PPP1R7: variants seen among roughly 807,000 people sequenced by gnomAD.
PPP1R7 encodes protein phosphatase 1 regulatory subunit 22.
In PPP1R7, 18 loss-of-function variants were observed where a neutral mutation model predicts 45.2. The observed-to-expected ratio is 0.40, with a 90% confidence interval of 0.28 to 0.59. The LOEUF (loss-of-function observed/expected upper bound fraction) is 0.59, where lower values mean the gene tolerates loss of function less well. PPP1R7 is among the 20% of genes least tolerant of loss of function. PPP1R7 has a pLI of 0.46. For synonymous variants in PPP1R7, 181 were observed against 183.4 expected, an observed-to-expected ratio of 0.99 and a Z score of 0.11; for missense variants, 314 against 455.8, an observed-to-expected ratio of 0.69 and a Z score of 2.83.
intron 6 of PPP1R7, among the ~76,000 whole-genome samples, chr2:241,162,823 C>T (rs1462080953): frequency 6.6e-6 from 1 of 152,030 alleles, no homozygotes; most frequent in South Asian, 2.1e-4. Context: ...GCTGGAACTA[C>T]AGGCACCCGC....
chr2:241,154,336 G>T (rs1263709978), intron 2 of PPP1R7, among the ~76,000 whole-genome samples: 1 of 152,048 alleles, frequency 6.6e-6, no homozygotes, highest in Non-Finnish European at 1.5e-5. Context: ...ATCTCTGAGA[G>T]AAATTATTTC....
Position 241,151,533 on chromosome 2 carries a change from G to A in PPP1R7, c.52+986G>A, listed in dbSNP as rs1466777688. 1.7e-5 allele frequency: 8 copies of A among 471,238 alleles called. No homozygotes were observed. In the Admixed American group the frequency reaches 1.9e-4, roughly 11 times the overall value. The allele number at this position is 471,238 out of a possible 1,614,324, so 29.2% of individuals were successfully genotyped here. A position where few individuals can be genotyped will look rare whatever the true frequency, so the allele number is the denominator to read the frequency against. ...AAAAGAGCAAGAATCACTCAAGACG[G>A]AGAAAACTGCTGTCAAAAGGTGTGG... is the stretch of plus-strand genomic sequence containing the variant. On this transcript the variant is annotated intron_variant, in intron 1 of 9. Transcript: ENST00000234038.
intron 1 of PPP1R7, among the ~76,000 whole-genome samples, chr2:241,152,441 G>C (rs965739624): frequency 8.5e-5 from 13 of 152,232 alleles, no homozygotes; most frequent in African/African-American, 3.1e-4. Context: ...AGGAGGCAGG[G>C]CAGGAGCCCA....
chr2:241,150,684 C>T (rs2067250196), intron 1 of PPP1R7, 137 bp downstream of exon 1: 2 of 1,274,270 alleles, frequency 1.6e-6, no homozygotes, highest in African/African-American at 1.6e-5. Flanking sequence ...AGCTGACAGC[C>T]GGACCCGGGG....
At chr2:241,167,251 C>T in intron 8 of PPP1R7, 1 of 510,776 alleles carries the variant, frequency 2.0e-6, no homozygotes, top group East Asian at 3.4e-5. Flanking sequence ...GTGTTTCAAT[C>T]TCATTAAAGG....
intron 4 of PPP1R7, 160 bp from the exon 5 acceptor site, chr2:241,159,053 C>T: frequency 1.1e-6 from 1 of 870,544 alleles, no homozygotes; most frequent in Non-Finnish European, 1.8e-6. Flanking sequence ...TGCCCTTGCC[C>T]ACCTGCCTCT....
chr2:241,149,765 G>T (rs2067197353), upstream of PPP1R7: 89 of 1,538,716 alleles, frequency 5.8e-5, no homozygotes, highest in Admixed American at 7.8e-5. Context: ...GAGGACGCGG[G>T]GCGGCTCGTT....
At chr2:241,166,892 C>T (rs1464614679) in intron 8 of PPP1R7, among the ~76,000 whole-genome samples, 1 of 152,248 alleles carries the variant, frequency 6.6e-6, no homozygotes, top group Non-Finnish European at 1.5e-5. Flanking sequence ...ACTTCCCAGC[C>T]CACAGAGAGC....
At chr2:241,167,105 C>T (rs1242987480) in intron 8 of PPP1R7, 17 of 1,603,946 alleles carry the variant, frequency 1.1e-5, no homozygotes, top group Admixed American at 1.0e-4. Context: ...CCCTCCTCAG[C>T]TGCCTCCAGC....
At position 241,157,742 on chromosome 2, in the gene PPP1R7, CA is replaced by C. The variant is rs111880339; in HGVS notation, c.182-64del. ...AACAGCCCCAGACCTCAGCCAGAAGCAGCTCTTCACCAGTGCCTCCTGTTAA... is the reference window on the plus strand; with the variant it reads ...AACAGCCCCAGACCTCAGCCAGAAGCGCTCTTCACCAGTGCCTCCTGTTAA... On this transcript the variant is annotated intron_variant, in intron 2 of 9. Transcript: ENST00000234038. 429 of 1,492,708 alleles carry C rather than the reference CA, an allele frequency of 2.9e-4. 3 individuals carry two copies. In the African/African-American group the frequency reaches 4.8e-3, roughly 17 times the overall value. 92.5% of individuals were successfully genotyped at this position (1,492,708 alleles called of 1,614,324 possible). A position where few individuals can be genotyped will look rare whatever the true frequency, so the allele number is the denominator to read the frequency against.
intron 9 of PPP1R7, among the ~76,000 whole-genome samples, chr2:241,179,634 C>T (rs1179064618): frequency 1.3e-5 from 2 of 152,122 alleles, no homozygotes; most frequent in South Asian, 2.1e-4. Context: ...GGAATGTGCC[C>T]GCGCTCCCCA....
Position 241,183,482 on chromosome 2 carries a change from G to A in PPP1R7, c.*659G>A. Reference sequence around the variant, plus strand: ...TGGGTGAAAGCTCAGGTGTGGGGAGGGTGTCCTGTGTCCCACACGGTGCTG... The same window carrying A: ...TGGGTGAAAGCTCAGGTGTGGGGAGAGTGTCCTGTGTCCCACACGGTGCTG... On this transcript the variant is annotated 3_prime_UTR_variant, in exon 10 of 10. Coordinates refer to ENST00000234038, the MANE Select transcript of PPP1R7 (RefSeq NM_002712.3). The A allele has an allele frequency of 2.1e-6, 1 of 470,928 alleles. No homozygotes were observed. The highest frequency in any genetic ancestry group is 6.9e-5 in the East Asian group (1 of 14,394). The allele number at this position is 470,928 out of a possible 1,614,324, so 29.2% of individuals were successfully genotyped here. A position where few individuals can be genotyped will look rare whatever the true frequency, so the allele number is the denominator to read the frequency against.
intron 6 of PPP1R7, among the ~76,000 whole-genome samples, 164 bp downstream of exon 6, chr2:241,160,658 T>C (rs567255562): frequency 1.3e-5 from 2 of 152,348 alleles, no homozygotes; most frequent in South Asian, 2.1e-4. Context: ...GAAAAAATGC[T>C]AACTGAAAGT....
rs771593245 is a variant in PPP1R7 at position 241,153,489 on chromosome 2, C to T, written c.66C>T (p.Val22=). The T allele has an allele frequency of 7.9e-5, 128 of 1,613,798 alleles. No homozygotes were observed. The highest frequency in any genetic ancestry group is 1.0e-4 in the Non-Finnish European group (123 of 1,179,914). Residue 22 remains valine (V), a synonymous_variant, in exon 2 of 10, where the codon GTC becomes GTT. Coordinates refer to ENST00000234038, the MANE Select transcript of PPP1R7 (RefSeq NM_002712.3). ...SQEMMEVDRR[V]ESEESGDEEG... ...GTGTGGGTTCAGTTGACAGGCGGGT[C>T]GAGTCTGAAGAATCCGGCGATGAAG...
chr2:241,158,404 T>G (rs563750407), intron 3 of PPP1R7, 80 bp from the exon 4 acceptor site: 44 of 1,427,040 alleles, frequency 3.1e-5, no homozygotes, highest in Admixed American at 6.7e-5. Flanking sequence ...TGCTGCCCAC[T>G]TCCAGGCCGC....
chr2:241,179,392 C>T (rs780859759), intron 9 of PPP1R7, among the ~76,000 whole-genome samples: 14 of 152,196 alleles, frequency 9.2e-5, no homozygotes, highest in Admixed American at 1.3e-4. Flanking sequence ...CAGTGTGAGT[C>T]ATCTGTGCAG....
At chr2:241,167,025 C>T (rs1376451618) in intron 8 of PPP1R7, 2 of 1,610,846 alleles carry the variant, frequency 1.2e-6, no homozygotes, top group Non-Finnish European at 1.7e-6. Context: ...CTCCCTCCCT[C>T]CCCGGCCCTT....
chr2:241,151,094 C>T (rs1317454822), intron 1 of PPP1R7, among the ~76,000 whole-genome samples: 2 of 152,168 alleles, frequency 1.3e-5, no homozygotes, highest in Admixed American at 6.5e-5. Context: ...AACTTTCTTC[C>T]TCCTCATTCA....
At chr2:241,157,377 G>T (rs944071831) in intron 2 of PPP1R7, among the ~76,000 whole-genome samples, 1 of 152,206 alleles carries the variant, frequency 6.6e-6, no homozygotes, top group African/African-American at 2.4e-5. Flanking sequence ...CTGGTTTATT[G>T]CCACAAACAA....
Sources: gnomAD v4.1 joint callset for allele counts (sites outside exome capture counted in the v4.1 genomes callset) on GRCh38, gnomAD v4.1.1 for gene constraint, MANE v1.5 for transcripts, NCBI Gene and HGNC (gene_info 2026-07-23, HGNC 2026-07-21) for gene names.